PUDP: variants seen among roughly 807,000 people sequenced by gnomAD.
PUDP encodes the protein pseudouridine 5'-phosphatase.
In PUDP, 8 loss-of-function variants were observed where a neutral mutation model predicts 9.4. The observed-to-expected ratio is 0.85, with a 90% CI of 0.50 to 1.53. The LOEUF (loss-of-function observed/expected upper bound fraction) is 1.53, where lower values mean the gene tolerates loss of function less well. Among genes scored for constraint, PUDP ranks in the 40% most tolerant of loss-of-function variants. PUDP has a pLI of 0.00. For missense variants in PUDP, 188 were observed against 189.7 expected, an observed-to-expected ratio of 0.99 and a Z score of 0.05; for synonymous variants, 99 against 80.7, an observed-to-expected ratio of 1.23 and a Z score of -1.22.
intron 1 of PUDP, 61 bp downstream of exon 1, chrX:7,147,992 G>C (rs1208545217): frequency 4.3e-6 from 4 of 933,581 alleles, no homozygotes; most frequent in Admixed American, 2.9e-5. Flanking sequence ...ACCCCGCGCC[G>C]ACCGTCCCCA....
intron 3 of PUDP, among the ~76,000 whole-genome samples, chrX:6,893,917 C>G (rs1042526308): frequency 3.0e-4 from 34 of 111,587 alleles, no homozygotes; most frequent in Non-Finnish European, 6.4e-4. Flanking sequence ...ACTATTCAGC[C>G]AGAAAAAGGA....
At chrX:7,064,887 C>T (rs907118068) in intron 3 of PUDP, among the ~76,000 whole-genome samples, 1 of 111,691 alleles carries the variant, frequency 9.0e-6, no homozygotes, top group Non-Finnish European at 1.9e-5. Context: ...TGAAGATACA[C>T]GAGGAGGAAA....
intron 1 of PUDP, among the ~76,000 whole-genome samples, chrX:7,110,770 C>G (rs1218350257): frequency 9.2e-6 from 1 of 108,822 alleles, no homozygotes; most frequent in East Asian, 2.9e-4. Flanking sequence ...GGGTGGGGGT[C>G]ACAAGGTGCT....
At chrX:7,094,911 A>AGGTT (rs1171016706) in intron 2 of PUDP, among the ~76,000 whole-genome samples, 9 of 111,712 alleles carry the variant, frequency 8.1e-5, no homozygotes, top group Non-Finnish European at 1.7e-4. Flanking sequence ...AATCTGCCTA[A>AGGTT]GTAAAAATCC....
intron 3 of PUDP, among the ~76,000 whole-genome samples, chrX:6,896,554 T>C (rs1927595340): frequency 1.8e-5 from 2 of 112,324 alleles, no homozygotes; most frequent in South Asian, 7.4e-4. Context: ...CAAGGGATGC[T>C]GGCCACTGTC....
chrX:7,031,645 C>T (rs1929794375), intron 1 of PUDP, among the ~76,000 whole-genome samples: 1 of 112,273 alleles, frequency 8.9e-6, no homozygotes. Context: ...CTGCCACTTA[C>T]GCAGTCCATT....
chrX:6,972,010 C>T (rs1420320596), intron 3 of PUDP, among the ~76,000 whole-genome samples: 4 of 111,127 alleles, frequency 3.6e-5, no homozygotes, highest in Non-Finnish European at 7.6e-5. Context: ...TTTGGCTCTC[C>T]GTTTGTCTAT....
intron 1 of PUDP, among the ~76,000 whole-genome samples, chrX:6,996,746 A>C (rs931318722): frequency 9.5e-6 from 1 of 104,943 alleles, no homozygotes; most frequent in African/African-American, 3.5e-5. Context: ...GGCTCACTGC[A>C]ACCTCAAACC....
chrX:7,036,848 C>A (rs1300766423), intron 1 of PUDP, among the ~76,000 whole-genome samples: 1 of 111,818 alleles, frequency 8.9e-6, no homozygotes, highest in Non-Finnish European at 1.9e-5. Context: ...ACTTTTCATT[C>A]CCGTCTAACC....
At chrX:7,122,764 A>G (rs1476942740) in intron 1 of PUDP, among the ~76,000 whole-genome samples, 6 of 112,238 alleles carry the variant, frequency 5.3e-5, no homozygotes, top group Non-Finnish European at 7.5e-5. Flanking sequence ...TTCTCTGAAC[A>G]GACCTTCTCC....
chrX:7,088,949 C>T (rs73627528), intron 2 of PUDP, among the ~76,000 whole-genome samples: 477 of 112,033 alleles, frequency 4.3e-3, no homozygotes, highest in African/African-American at 0.015. Flanking sequence ...TTTTAGAAAA[C>T]GGCTATACTA....
intron 1 of PUDP, among the ~76,000 whole-genome samples, chrX:7,116,797 TA>T (rs1172394095): frequency 8.9e-6 from 1 of 111,856 alleles, no homozygotes; most frequent in Non-Finnish European, 1.9e-5. Flanking sequence ...GTGGGAGGTA[TA>T]CTGATCATGG....
At chrX:6,996,246 T>C (rs1223261854) in intron 1 of PUDP, among the ~76,000 whole-genome samples, 1 of 112,184 alleles carries the variant, frequency 8.9e-6, no homozygotes, top group Non-Finnish European at 1.9e-5. Flanking sequence ...TTTTTAGTTA[T>C]TTTGTGCAAT....
chrX:6,808,290 T>C (rs1926085088), intron 3 of PUDP, among the ~76,000 whole-genome samples: 1 of 112,420 alleles, frequency 8.9e-6, no homozygotes, highest in African/African-American at 3.2e-5. Flanking sequence ...CTTGTATTTT[T>C]GCTCTCACAT....
rs767289351 is a variant in PUDP, at chrX:7,077,445, C to A, written c.285G>T (p.Ala95=). The A allele has an allele frequency of 1.8e-5, 22 of 1,206,540 alleles. No homozygotes were observed. In the South Asian group the frequency reaches 3.9e-4, roughly 21 times the overall value. ...VFPTAALMPG[A]EKLIIHLRKH... Reference sequence around the variant, plus strand: ...TCCGCAGGTGGATGATGAGTTTCTCCGCCCCTGGGGAGGAGGAGGGAAGGA... The same window carrying A: ...TCCGCAGGTGGATGATGAGTTTCTCAGCCCCTGGGGAGGAGGAGGGAAGGA... Residue 95 remains alanine (A), a synonymous_variant, in exon 3 of 4, where the codon GCG becomes GCT. Coordinates refer to ENST00000381077, the MANE Select transcript of PUDP (RefSeq NM_012080.5).
At chrX:6,945,814 T>C (rs1340105414) in intron 3 of PUDP, among the ~76,000 whole-genome samples, 3 of 111,115 alleles carry the variant, frequency 2.7e-5, no homozygotes, top group African/African-American at 9.8e-5. Flanking sequence ...TAAACATGAA[T>C]ATCGTAAACT....
At chrX:7,028,828 C>T (rs147184407) in intron 1 of PUDP, among the ~76,000 whole-genome samples, 4,359 of 111,514 alleles carry the variant, frequency 0.039, 221 homozygotes, top group African/African-American at 0.13. Flanking sequence ...TCTTGCAGTC[C>T]TGGAGGCTGG....
At chrX:6,796,870 G>A (rs186755444) in intron 3 of PUDP, among the ~76,000 whole-genome samples, 11 of 111,531 alleles carry the variant, frequency 9.9e-5, no homozygotes, top group Admixed American at 8.6e-4. Flanking sequence ...ATGAGATGGG[G>A]CCTGAAAATA....
At chrX:7,016,896 T>C (rs1929557572) in intron 1 of PUDP, among the ~76,000 whole-genome samples, 1 of 111,317 alleles carries the variant, frequency 9.0e-6, no homozygotes, top group African/African-American at 3.3e-5. Flanking sequence ...ATTGTTTCCA[T>C]GTACAATATC....
Sources: gnomAD v4.1 joint callset for allele counts (sites outside exome capture counted in the v4.1 genomes callset) on GRCh38, gnomAD v4.1.1 for gene constraint, MANE v1.5 for transcripts, NCBI Gene and HGNC (gene_info 2026-07-23, HGNC 2026-07-21) for gene names.